Variants in SUMF2 observed in about 807,000 individuals in gnomAD.
SUMF2 encodes the protein sulfatase modifying factor 2, also known as inactive C-alpha-formylglycine-generating enzyme 2.
Under a neutral mutation model 44.8 loss-of-function variants are expected in SUMF2, and 45 were observed. That is an observed-to-expected ratio of 1.00 (90% CI 0.79 to 1.29). The LOEUF (loss-of-function observed/expected upper bound fraction) is 1.29, where lower values mean the gene tolerates loss of function less well. Among genes scored for constraint, SUMF2 ranks in the 50% most tolerant of loss-of-function variants. The pLI, the probability that SUMF2 is intolerant of heterozygous loss-of-function variation, is 0.00. For synonymous variants in SUMF2, 148 were observed against 150.4 expected, an observed-to-expected ratio of 0.98 and a Z score of 0.12; for missense variants, 418 against 389.9, an observed-to-expected ratio of 1.07 and a Z score of -0.61.
chr7:56,073,884 G>A, intron 3 of SUMF2: 1 of 474,872 alleles, frequency 2.1e-6, no homozygotes, highest in Non-Finnish European at 3.7e-6. Flanking sequence ...GCATGGTCAT[G>A]CACACCTGTA....
chr7:56,087,885 C>G, the SUMF2 span: 2 of 814,450 alleles, frequency 2.5e-6, no homozygotes, highest in Non-Finnish European at 3.9e-6. Flanking sequence ...TTTACACTTT[C>G]CCCCAACTTC....
chr7:56,081,024 C>G (rs770905265), downstream of SUMF2: 32 of 1,608,604 alleles, frequency 2.0e-5, no homozygotes, highest in Non-Finnish European at 2.3e-5. The surrounding 1 kb of genome is among the most constrained non-coding windows in gnomAD (Gnocchi z 4.6). Flanking sequence ...TCCCCACCTG[C>G]CCCCTAGCCC....
chr7:56,074,116 G>A (rs1325552051), intron 3 of SUMF2, 58 bp from the exon 4 acceptor site: 26 of 1,540,184 alleles, frequency 1.7e-5, no homozygotes, highest in Non-Finnish European at 2.2e-5. Context: ...TGGCTCAGTC[G>A]GGGAGGTGCC....
downstream of SUMF2, chr7:56,083,336 G>A: frequency 6.2e-7 from 1 of 1,614,148 alleles, no homozygotes; most frequent in South Asian, 1.1e-5. Flanking sequence ...TGAGCTTGAT[G>A]TTCATGTTGT....
chr7:56,083,746 G>C (rs368370335), downstream of SUMF2: 1 of 1,476,632 alleles, frequency 6.8e-7, no homozygotes, highest in Admixed American at 1.9e-5. Flanking sequence ...TAGCTGGATC[G>C]GTCCCAAGAC....
downstream of SUMF2, chr7:56,081,322 T>G: frequency 6.3e-7 from 1 of 1,589,694 alleles, no homozygotes; most frequent in African/African-American, 1.3e-5. The surrounding 1 kb of genome is among the most constrained non-coding windows in gnomAD (Gnocchi z 4.6). Context: ...GCGGAGAAGC[T>G]GGGCTGCAGC....
At chr7:56,068,433 G>A (rs765740512) in intron 1 of SUMF2, 49 bp from the exon 2 acceptor site, 1 of 1,520,280 alleles carries the variant, frequency 6.6e-7, no homozygotes, top group Non-Finnish European at 8.9e-7. Flanking sequence ...ATTACCACTT[G>A]TTTTATATAT....
At chr7:56,068,686 A>T in intron 2 of SUMF2, 48 bp downstream of exon 2, 14 of 1,526,132 alleles carry the variant, frequency 9.2e-6, no homozygotes. Flanking sequence ...CTCTAATCTC[A>T]TTCTTTTTTC....
At chr7:56,074,316 A>G in intron 4 of SUMF2, 98 bp downstream of exon 4, 1 of 1,315,344 alleles carries the variant, frequency 7.6e-7, no homozygotes, top group Non-Finnish European at 1.1e-6. Flanking sequence ...AGGAACACTG[A>G]GTTTCAAAGA....
intron 1 of SUMF2, among the ~76,000 whole-genome samples, chr7:56,065,273 AGCT>A (rs1794708384): frequency 6.6e-6 from 1 of 151,686 alleles, no homozygotes; most frequent in African/African-American, 2.4e-5. Flanking sequence ...CAGCTTAAAT[AGCT>A]GCCAGTTTGT....
rs144486745 is a variant in SUMF2 at position 56,079,579 on chromosome 7, T to C, written c.873T>C (p.Ala291=). 4.2e-4 allele frequency: 684 copies of C among 1,614,210 alleles called. 1 individual carries two copies. Among genetic ancestry groups the C allele is most frequent in the South Asian group, 1.0e-3 (92 of 91,082 alleles). The change falls in exon 9 of 9, where the codon GCT becomes GCC. Residue 291 remains alanine, a synonymous_variant. Coordinates refer to ENST00000434526, the MANE Select transcript of SUMF2 (RefSeq NM_015411.4). The stretch of plus-strand genomic sequence containing the variant: ...CAGACAACCTCGGTTTCCGCTGTGC[T>C]GCAGACGCAGGCCGGCCGCCAGGGG... ...SASDNLGFRC[A]ADAGRPPGEL
chr7:56,077,352 G>A (rs375900221), intron 6 of SUMF2, among the ~76,000 whole-genome samples: 4 of 145,922 alleles, frequency 2.7e-5, no homozygotes, highest in East Asian at 2.3e-4. Flanking sequence ...CCCAGCCAGC[G>A]TAAGTACTTT....
At chr7:56,083,561 T>C (rs1796120564), downstream of SUMF2, 6 of 1,494,952 alleles carry the variant, frequency 4.0e-6, no homozygotes, top group East Asian at 2.3e-5. Context: ...AGCCCAGACA[T>C]GTGCACGCCC....
intron 5 of SUMF2, among the ~76,000 whole-genome samples, chr7:56,075,142 T>TA (rs1349565312): frequency 3.3e-5 from 5 of 151,102 alleles, no homozygotes; most frequent in Admixed American, 2.6e-4. Flanking sequence ...CTGTGTTCCC[T>TA]AGAGCAGTGC....
downstream of SUMF2, among the ~76,000 whole-genome samples, chr7:56,084,652 C>T (rs1796176721): frequency 1.3e-5 from 2 of 151,610 alleles, no homozygotes; most frequent in African/African-American, 2.4e-5. Context: ...GGATTACAGG[C>T]GTGAGCCACC....
At chr7:56,082,001 C>G (rs370632474), downstream of SUMF2, 5 of 1,613,768 alleles carry the variant, frequency 3.1e-6, no homozygotes, top group East Asian at 1.1e-4. Flanking sequence ...GCCAGAAGGG[C>G]GGGGAGCCGG....
At chr7:56,073,232 G>A (rs761160605) in intron 3 of SUMF2, 121 bp downstream of exon 3, 40 of 772,450 alleles carry the variant, frequency 5.2e-5, no homozygotes, top group Non-Finnish European at 8.6e-5. Context: ...AGGCAGAGGG[G>A]AAGCAAGAGA....
chr7:56,081,395 C>CCACCCAAGG, downstream of SUMF2: 1 of 1,452,098 alleles, frequency 6.9e-7, no homozygotes, highest in Non-Finnish European at 9.2e-7. This position sits in a 1 kb window ranked among gnomAD's most constrained non-coding sequence, Gnocchi z 4.6. Flanking sequence ...TGCCACGAAG[C>CCACCCAAGG]CTTGGGTGGC....
In SUMF2 at chr7:56,077,503, A is replaced by T. The variant is rs564215380; in HGVS notation, c.592-599A>T. 4.2e-4 allele frequency among the ~76,000 whole-genome samples: 63 copies of T among 151,406 alleles called. 1 individual carries two copies. The highest frequency in any genetic ancestry group is 1.3e-3 in the African/African-American group (52 of 41,414). On this transcript the variant is annotated intron_variant, in intron 6 of 8. Coordinates refer to ENST00000434526, the MANE Select transcript of SUMF2 (RefSeq NM_015411.4). ...ATGGTGAAACCCTGCTTCTACAAAA[A>T]ATAAAAGATGAGCTGGGCATGGTGG...
Sources: gnomAD v4.1 joint callset for allele counts (sites outside exome capture counted in the v4.1 genomes callset) on GRCh38, gnomAD v4.1.1 for gene constraint, Gnocchi (gnomAD v3.1) non-coding constraint, MANE v1.5 for transcripts, NCBI Gene and HGNC (gene_info 2026-07-23, HGNC 2026-07-21) for gene names.